The following CNTNAP2 variants were observed in gnomAD, a reference collection of about 807,000 sequenced individuals.
CNTNAP2 encodes contactin-associated protein-like 2.
CNTNAP2 carries 98 observed loss-of-function variants against 155.2 expected under a neutral mutation model. The ratio of observed to expected loss-of-function variants is 0.63; its 90% CI spans 0.54 to 0.75. The LOEUF is 0.75. Ranked by LOEUF, CNTNAP2 falls within the 30% of genes least tolerant of loss-of-function variation. The pLI, the probability that CNTNAP2 is intolerant of heterozygous loss-of-function variation, is 0.00. For synonymous variants in CNTNAP2, 651 were observed against 631.2 expected, an observed-to-expected ratio of 1.03 and a Z score of -0.47; for missense variants, 1,727 against 1,688.1, an observed-to-expected ratio of 1.02 and a Z score of -0.40.
At chr7:146,276,218 A>G (rs1479608587) in intron 1 of CNTNAP2, among the ~76,000 whole-genome samples, 1 of 152,214 alleles carries the variant, frequency 6.6e-6, no homozygotes, top group Non-Finnish European at 1.5e-5. Context: ...CAAAAAGCCA[A>G]ATTAGAACCA....
chr7:146,363,168 A>AT (rs1795108905), intron 1 of CNTNAP2, among the ~76,000 whole-genome samples: 1 of 152,134 alleles, frequency 6.6e-6, no homozygotes, highest in Non-Finnish European at 1.5e-5. Context: ...AACATGTACT[A>AT]ATTTTTTCTA....
chr7:148,277,587 CCG>C (rs1796892429), intron 21 of CNTNAP2, among the ~76,000 whole-genome samples: 2 of 92,748 alleles, frequency 2.2e-5, no homozygotes, highest in Admixed American at 3.0e-4. Context: ...TAGTACAGGA[CCG>C]CCCCCCACCA....
At chr7:148,062,738 TA>T (rs1563186013) in intron 15 of CNTNAP2, among the ~76,000 whole-genome samples, 1 of 152,074 alleles carries the variant, frequency 6.6e-6, no homozygotes, top group East Asian at 1.9e-4. Flanking sequence ...AATGCTTAAG[TA>T]AAAAATGAGT....
rs188277067 is a variant in CNTNAP2 at position 147,288,576 on chromosome 7, G to A, written c.1349-11565G>A. ...AGAGAAAGCAGACGATGATCATCAC[G>A]TGCTTCTTCCTGTTTTTTAACCTTT... On this transcript the variant is annotated intron_variant, in intron 8 of 23. Coordinates refer to ENST00000361727, the MANE Select transcript of CNTNAP2 (RefSeq NM_014141.6). Among the ~76,000 whole-genome samples, 351 of 152,302 alleles carry A rather than the reference G, an allele frequency of 2.3e-3. 3 individuals are homozygous for A. Among genetic ancestry groups the A allele is most frequent in the Non-Finnish European group, 7.2e-4 (49 of 68,016 alleles).
chr7:147,069,341 A>G (rs997727361), intron 4 of CNTNAP2, among the ~76,000 whole-genome samples: 1 of 152,156 alleles, frequency 6.6e-6, no homozygotes, highest in Admixed American at 6.6e-5. Context: ...TCCACTTACT[A>G]TGCTGTATAA....
Position 147,814,722 on chromosome 7 carries a change from A to G in CNTNAP2, c.2099-88843A>G, listed in dbSNP as rs192877769. On this transcript the variant is annotated intron_variant, in intron 13 of 23. Coordinates refer to ENST00000361727, the MANE Select transcript of CNTNAP2 (RefSeq NM_014141.6). ...AGTTCCTGACTTTCAAACAAGAGGT[A>G]TTTCAGAAGATCACTGCTAAGTCAG... Among the ~76,000 whole-genome samples the G allele has an allele frequency of 8.5e-4, 130 of 152,312 alleles. 2 individuals carry two copies. The highest frequency in any genetic ancestry group is 2.9e-3 in the African/African-American group (120 of 41,574).
chr7:148,359,840 T>C (rs184065392), intron 21 of CNTNAP2, among the ~76,000 whole-genome samples: 1 of 152,368 alleles, frequency 6.6e-6, no homozygotes, highest in East Asian at 1.9e-4. Context: ...TTCAGATGTT[T>C]AGTTTGGGAT....
intron 13 of CNTNAP2, among the ~76,000 whole-genome samples, chr7:147,872,276 T>G (rs758674577): frequency 6.6e-6 from 1 of 152,382 alleles, no homozygotes; most frequent in Middle Eastern, 3.4e-3. Context: ...GTAATTCTTC[T>G]TTTTAGCAGT....
intron 1 of CNTNAP2, among the ~76,000 whole-genome samples, chr7:146,264,044 G>A (rs1228858049): frequency 6.6e-6 from 1 of 152,072 alleles, no homozygotes; most frequent in East Asian, 1.9e-4. Context: ...ATTCTCCTTC[G>A]CAGGGTCAGA....
intron 12 of CNTNAP2, among the ~76,000 whole-genome samples, chr7:147,627,691 CAAAAAAAAAA>C (rs138424007): frequency 2.8e-5 from 2 of 71,714 alleles, no homozygotes; most frequent in Admixed American, 1.8e-4. Context: ...GACTCTGTCT[CAAAAAAAAAA>C]AAAAAAAAAA....
intron 1 of CNTNAP2, among the ~76,000 whole-genome samples, chr7:146,564,408 G>T (rs1363158706): frequency 1.3e-5 from 2 of 151,640 alleles, no homozygotes; most frequent in African/African-American, 4.8e-5. Flanking sequence ...AGAGAGGGTA[G>T]CTATGACCAT....
chr7:146,911,384 C>T (rs199631800), intron 3 of CNTNAP2, among the ~76,000 whole-genome samples: 3 of 151,904 alleles, frequency 2.0e-5, no homozygotes, highest in Non-Finnish European at 2.9e-5. Context: ...TTATTCACAA[C>T]AGCAAAGACT....
chr7:146,932,196 T>C (rs1399565602), intron 3 of CNTNAP2, among the ~76,000 whole-genome samples: 2 of 152,136 alleles, frequency 1.3e-5, no homozygotes, highest in Admixed American at 1.3e-4. Flanking sequence ...CAAAAAAATA[T>C]TGGCAAACTG....
chr7:146,844,040 G>T (rs17170273), intron 3 of CNTNAP2, among the ~76,000 whole-genome samples: 508 of 152,136 alleles, frequency 3.3e-3, no homozygotes, highest in Admixed American at 7.4e-3. Context: ...GATTGTTGGG[G>T]AAATGGACAA....
At chr7:146,519,717 C>T (rs759677867) in intron 1 of CNTNAP2, among the ~76,000 whole-genome samples, 5 of 151,762 alleles carry the variant, frequency 3.3e-5, no homozygotes, top group South Asian at 2.1e-4. Flanking sequence ...CAAACAGACA[C>T]GCAGGGGAGG....
intron 3 of CNTNAP2, among the ~76,000 whole-genome samples, chr7:147,038,913 G>C (rs762390594): frequency 6.6e-6 from 1 of 152,010 alleles, no homozygotes; most frequent in Non-Finnish European, 1.5e-5. Flanking sequence ...ATGAAATCTA[G>C]AGCGTGATCA....
intron 13 of CNTNAP2, among the ~76,000 whole-genome samples, chr7:147,789,246 G>A (rs537870984): frequency 8.5e-5 from 13 of 152,200 alleles, no homozygotes; most frequent in Admixed American, 4.6e-4. Context: ...AAGTCCTATC[G>A]TTGCCAACTT....
At chr7:147,259,138 G>T (rs1471276595) in intron 8 of CNTNAP2, among the ~76,000 whole-genome samples, 1 of 152,158 alleles carries the variant, frequency 6.6e-6, no homozygotes, top group African/African-American at 2.4e-5. Context: ...ATTTAAGTCT[G>T]TTCTCTCTAG....
intron 3 of CNTNAP2, among the ~76,000 whole-genome samples, chr7:147,009,990 G>A (rs1301889437): frequency 6.7e-6 from 1 of 150,244 alleles, no homozygotes; most frequent in Non-Finnish European, 1.5e-5. Context: ...AACACACCAG[G>A]CGTCTATATC....
Sources: allele counts gnomAD v4.1 joint callset (sites outside exome capture counted in the v4.1 genomes callset), GRCh38; gene constraint gnomAD v4.1.1; transcripts MANE v1.5; gene names NCBI Gene and HGNC (gene_info 2026-07-23, HGNC 2026-07-21).